The following GPHN variants were observed in gnomAD, a reference collection of about 807,000 sequenced individuals.
GPHN encodes gephyrin.
A neutral mutation model predicts 95.5 loss-of-function variants in GPHN; 17 were observed. The observed-to-expected ratio is 0.18, with a 90% CI of 0.12 to 0.27. The LOEUF (loss-of-function observed/expected upper bound fraction) is 0.27, where lower values mean the gene tolerates loss of function less well. Ranked by LOEUF, GPHN falls within the 10% of genes least tolerant of loss-of-function variation. The pLI is 1.00. For synonymous variants in GPHN, 320 were observed against 322.5 expected, an observed-to-expected ratio of 0.99 and a Z score of 0.08; for missense variants, 660 against 978.1, an observed-to-expected ratio of 0.67 and a Z score of 4.34.
the GPHN span, among the ~76,000 whole-genome samples, chr14:67,193,138 A>G: frequency 4.9e-5 from 7 of 143,992 alleles, no homozygotes; most frequent in Non-Finnish European, 9.1e-5. Flanking sequence ...CTCTATATAG[A>G]CATCTATCTA....
At chr14:66,572,613 G>GGATCTTAAAACTTTAA (rs2060740244) in intron 1 of GPHN, among the ~76,000 whole-genome samples, 2 of 151,110 alleles carry the variant, frequency 1.3e-5, no homozygotes, top group South Asian at 2.1e-4. Context: ...ACGTGGTTTT[G>GGATCTTAAAACTTTAA]GATCTTAAAA....
At chr14:67,015,118 A>G (rs1333371503) in intron 9 of GPHN, among the ~76,000 whole-genome samples, 1 of 152,232 alleles carries the variant, frequency 6.6e-6, no homozygotes, top group Admixed American at 6.5e-5. Context: ...CAAGTTACCT[A>G]TAAAGAAGCA....
chr14:67,718,322 G>C, the GPHN span, among the ~76,000 whole-genome samples: 1 of 152,224 alleles, frequency 6.6e-6, no homozygotes, highest in Non-Finnish European at 1.5e-5. Context: ...GGGAGGAAGA[G>C]AAAGAGAAGT....
intron 2 of GPHN, among the ~76,000 whole-genome samples, chr14:66,744,925 G>T (rs939881970): frequency 2.6e-5 from 4 of 152,048 alleles, no homozygotes; most frequent in African/African-American, 9.7e-5. Flanking sequence ...AAATCCTGAG[G>T]GGTAAGGAAG....
At chr14:66,618,512 T>C (rs906122788) in intron 1 of GPHN, among the ~76,000 whole-genome samples, 2 of 152,238 alleles carry the variant, frequency 1.3e-5, no homozygotes, top group Admixed American at 1.3e-4. Context: ...TGAGGGATAG[T>C]ATCCTTTCTG....
At chr14:66,722,889 G>A (rs996169500) in intron 2 of GPHN, among the ~76,000 whole-genome samples, 6 of 152,068 alleles carry the variant, frequency 3.9e-5, no homozygotes, top group African/African-American at 9.7e-5. Flanking sequence ...TTCAGTTTTT[G>A]TCCTGTTCTT....
chr14:66,662,350 C>T (rs1367765873), intron 1 of GPHN, among the ~76,000 whole-genome samples: 1 of 152,040 alleles, frequency 6.6e-6, no homozygotes, highest in Non-Finnish European at 1.5e-5. Flanking sequence ...TTGCAGCCTT[C>T]ACTGGTGATA....
At chr14:67,355,296 A>G in the GPHN span, among the ~76,000 whole-genome samples, 6 of 151,930 alleles carry the variant, frequency 3.9e-5, no homozygotes, top group African/African-American at 1.2e-4. Flanking sequence ...AAGTCTCCTC[A>G]CTTCCTTGTT....
At chr14:66,634,879 C>T (rs191021172) in intron 1 of GPHN, among the ~76,000 whole-genome samples, 1 of 152,136 alleles carries the variant, frequency 6.6e-6, no homozygotes, top group Non-Finnish European at 1.5e-5. Flanking sequence ...TAGACATGTA[C>T]CCCATTTTTA....
the GPHN span, among the ~76,000 whole-genome samples, chr14:67,624,816 TG>T: frequency 6.6e-6 from 1 of 152,198 alleles, no homozygotes; most frequent in South Asian, 2.1e-4. Context: ...TGCAGCAATC[TG>T]GGGAGCATTT....
At chr14:67,637,576 T>C in the GPHN span, among the ~76,000 whole-genome samples, 2 of 152,160 alleles carry the variant, frequency 1.3e-5, no homozygotes, top group Non-Finnish European at 2.9e-5. Flanking sequence ...AGGGTTCAGA[T>C]AATCCTAGAA....
the GPHN span, among the ~76,000 whole-genome samples, chr14:67,418,885 C>A: frequency 1.3e-5 from 2 of 152,214 alleles, no homozygotes; most frequent in Admixed American, 6.5e-5. Context: ...GCTGGAACGC[C>A]TTGAGAGGTC....
the GPHN span, among the ~76,000 whole-genome samples, chr14:67,567,844 G>A: frequency 4.1e-5 from 6 of 146,302 alleles, no homozygotes; most frequent in African/African-American, 1.1e-4. Flanking sequence ...ACCTTCCCTC[G>A]TCAGCCTTGG....
chr14:66,785,267 G>A (rs748372418), intron 3 of GPHN, among the ~76,000 whole-genome samples: 9 of 152,212 alleles, frequency 5.9e-5, no homozygotes, highest in Non-Finnish European at 1.0e-4. Flanking sequence ...TCAGGAGGCT[G>A]AGGCAGGAGA....
chr14:67,562,411 AAG>A, the GPHN span: 3 of 1,613,736 alleles, frequency 1.9e-6, no homozygotes, highest in African/African-American at 2.7e-5. Context: ...CTCATCTGGG[AAG>A]AGAGAGCCCT....
At chr14:67,537,801 C>G in the GPHN span, among the ~76,000 whole-genome samples, 2 of 152,212 alleles carry the variant, frequency 1.3e-5, no homozygotes, top group Admixed American at 1.3e-4. Context: ...CTAATGACTT[C>G]CTGTGCCACC....
chr14:67,178,095 C>T (rs890359433), intron 21 of GPHN, among the ~76,000 whole-genome samples: 3 of 152,144 alleles, frequency 2.0e-5, no homozygotes, highest in African/African-American at 7.2e-5. Context: ...TGAATTTGAT[C>T]CTGTCATTAT....
intron 10 of GPHN, among the ~76,000 whole-genome samples, chr14:67,040,402 G>C (rs1262511474): frequency 6.6e-6 from 1 of 152,070 alleles, no homozygotes; most frequent in South Asian, 2.1e-4. Flanking sequence ...AAATCTGGAG[G>C]GATGGCAAAT....
At chr14:66,792,937 T>G (rs550355073) in intron 3 of GPHN, among the ~76,000 whole-genome samples, 9 of 152,256 alleles carry the variant, frequency 5.9e-5, no homozygotes, top group Non-Finnish European at 1.0e-4. Flanking sequence ...AAGGGGTGGG[T>G]CTGGCTAGTT....
Sources: allele counts gnomAD v4.1 joint callset (sites outside exome capture counted in the v4.1 genomes callset), GRCh38; gene constraint gnomAD v4.1.1; transcripts MANE v1.5; gene names NCBI Gene and HGNC (gene_info 2026-07-23, HGNC 2026-07-21).